Variants in TCF4 observed in about 807,000 individuals in gnomAD.
The protein encoded by TCF4 is SL3-3 enhancer factor 2.
TCF4 carries 3 observed loss-of-function variants against 82.1 expected under a neutral mutation model. The ratio of observed to expected loss-of-function variants is 0.04; its 90% CI spans 0.02 to 0.09. The LOEUF is 0.09. Ranked by LOEUF, TCF4 falls within the 10% of genes least tolerant of loss-of-function variation. TCF4 has a pLI of 1.00. For missense variants in TCF4, 518 were observed against 852.7 expected, an observed-to-expected ratio of 0.61 and a Z score of 4.89; for synonymous variants, 276 against 309.6, an observed-to-expected ratio of 0.89 and a Z score of 1.14.
chr18:55,563,944 A>G (rs917674991), intron 3 of TCF4, among the ~76,000 whole-genome samples: 3 of 152,246 alleles, frequency 2.0e-5, no homozygotes, highest in Non-Finnish European at 4.4e-5. Flanking sequence ...AATGAGCATG[A>G]TCTCACAGAA....
intron 16 of TCF4, among the ~76,000 whole-genome samples, chr18:55,234,209 A>T (rs2048711645): frequency 6.6e-6 from 1 of 152,170 alleles, no homozygotes. Flanking sequence ...ATTCATTTGG[A>T]AATATCATTT....
intron 8 of TCF4, among the ~76,000 whole-genome samples, chr18:55,301,264 T>A (rs542946708): frequency 6.6e-6 from 1 of 152,180 alleles, no homozygotes; most frequent in Non-Finnish European, 1.5e-5. Context: ...CAATTGCTGG[T>A]TGAATGTAAT....
At chr18:55,496,879 C>T (rs1442219619) in intron 3 of TCF4, among the ~76,000 whole-genome samples, 1 of 82,698 alleles carries the variant, frequency 1.2e-5, no homozygotes, top group Non-Finnish European at 2.4e-5. Flanking sequence ...TCAAACTGAA[C>T]AAGAGCTGTA....
At chr18:55,231,425 T>C (rs981374119) in intron 17 of TCF4, 1 of 152,226 alleles carries the variant, frequency 6.6e-6, no homozygotes, top group Non-Finnish European at 1.5e-5. Context: ...TTTGGAGGCA[T>C]ACATAAGTAA....
At chr18:55,241,999 G>A (rs1294170994) in intron 15 of TCF4, among the ~76,000 whole-genome samples, 2 of 152,048 alleles carry the variant, frequency 1.3e-5, no homozygotes, top group Admixed American at 6.6e-5. Flanking sequence ...AATTACCTAC[G>A]CATGGCCTCT....
chr18:55,588,633 A>C, upstream of TCF4: 1 of 1,437,370 alleles, frequency 7.0e-7, no homozygotes, highest in Non-Finnish European at 9.1e-7. Context: ...CACACACGGC[A>C]AAGCAAGTTT....
intron 16 of TCF4, 197 bp downstream of exon 16, chr18:55,234,351 A>T: frequency 2.8e-6 from 2 of 707,598 alleles, no homozygotes; most frequent in Non-Finnish European, 2.3e-6. Context: ...AGGATGTTTG[A>T]GGAAAACAGT....
At chr18:55,304,295 A>T (rs1018539949) in intron 8 of TCF4, among the ~76,000 whole-genome samples, 12 of 152,188 alleles carry the variant, frequency 7.9e-5, no homozygotes, top group African/African-American at 2.9e-4. Context: ...AGAAAACATA[A>T]ACAAAAATAT....
chr18:55,635,080 T>C (rs2097734965), intron 1 of TCF4, among the ~76,000 whole-genome samples: 1 of 152,156 alleles, frequency 6.6e-6, no homozygotes, highest in African/African-American at 2.4e-5. Flanking sequence ...GGCAGAGTTC[T>C]TGGAGAGAAA....
chr18:55,458,906 C>T (rs2095820032), intron 5 of TCF4, among the ~76,000 whole-genome samples: 1 of 152,170 alleles, frequency 6.6e-6, no homozygotes, highest in South Asian at 2.1e-4. Context: ...CAGTCTGACA[C>T]TGCGCCGTTA....
chr18:55,259,444 C>T (rs1377505416), intron 13 of TCF4, among the ~76,000 whole-genome samples: 1 of 152,194 alleles, frequency 6.6e-6, no homozygotes, highest in African/African-American at 2.4e-5. Flanking sequence ...TTCTACCCCA[C>T]ACAATTATTT....
intron 10 of TCF4, among the ~76,000 whole-genome samples, chr18:55,273,082 C>T (rs2060722249): frequency 6.6e-6 from 1 of 152,070 alleles, no homozygotes; most frequent in Admixed American, 6.6e-5. Flanking sequence ...TAACCGCAAA[C>T]TCCATTCATC....
chr18:55,592,705 G>A (rs1013724399), upstream of TCF4, among the ~76,000 whole-genome samples: 6 of 152,146 alleles, frequency 3.9e-5, no homozygotes, highest in East Asian at 1.9e-4. Context: ...GAGATTGACC[G>A]TAGCCTATGG....
At chr18:55,625,413 A>G (rs1427458541) in intron 2 of TCF4, among the ~76,000 whole-genome samples, 1 of 151,914 alleles carries the variant, frequency 6.6e-6, no homozygotes, top group Non-Finnish European at 1.5e-5. Flanking sequence ...TAATTTTTGT[A>G]TGTTTAGTAG....
chr18:55,282,799 T>C (rs1383849578), intron 8 of TCF4, among the ~76,000 whole-genome samples: 1 of 152,086 alleles, frequency 6.6e-6, no homozygotes, highest in Non-Finnish European at 1.5e-5. Context: ...TGATAAAATA[T>C]GAGGAAAATC....
At chr18:55,538,088 G>C (rs1334900439) in intron 3 of TCF4, among the ~76,000 whole-genome samples, 1 of 151,116 alleles carries the variant, frequency 6.6e-6, no homozygotes, top group Non-Finnish European at 1.5e-5. Flanking sequence ...CAAATCAAGA[G>C]AAAAAGGGCA....
At chr18:55,374,886 A>G (rs2090342404) in intron 6 of TCF4, among the ~76,000 whole-genome samples, 1 of 151,124 alleles carries the variant, frequency 6.6e-6, no homozygotes, top group African/African-American at 2.4e-5. Flanking sequence ...AAAAAAAAAA[A>G]AAAAAAAAAG....
chr18:55,598,807 A>G (rs1449182639), intron 2 of TCF4, among the ~76,000 whole-genome samples: 1 of 152,234 alleles, frequency 6.6e-6, no homozygotes, highest in African/African-American at 2.4e-5. Context: ...TAGAGCCATC[A>G]AATACAGCTC....
At chr18:55,504,319 T>G (rs1029044022) in intron 3 of TCF4, among the ~76,000 whole-genome samples, 1 of 152,230 alleles carries the variant, frequency 6.6e-6, no homozygotes, top group Non-Finnish European at 1.5e-5. Flanking sequence ...AGCTCCTTCC[T>G]TGAATGCTCA....
Sources: gnomAD v4.1 joint callset for allele counts (sites outside exome capture counted in the v4.1 genomes callset) on GRCh38, gnomAD v4.1.1 for gene constraint, MANE v1.5 for transcripts, NCBI Gene and HGNC (gene_info 2026-07-23, HGNC 2026-07-21) for gene names.